The following RFX3 variants were observed in gnomAD, a reference collection of about 807,000 sequenced individuals.
RFX3 encodes transcription factor RFX3.
In RFX3, 14 loss-of-function variants were observed where a neutral mutation model predicts 98.6. The ratio of observed to expected loss-of-function variants is 0.14; its 90% CI spans 0.09 to 0.22. The LOEUF (loss-of-function observed/expected upper bound fraction) is 0.22. Among genes scored for constraint, RFX3 ranks in the 10% least tolerant of loss-of-function variants. RFX3 has a pLI of 1.00. For missense variants in RFX3, 639 were observed against 926.9 expected, an observed-to-expected ratio of 0.69 and a Z score of 4.03; for synonymous variants, 383 against 328.4, an observed-to-expected ratio of 1.17 and a Z score of -1.80.
At chr9:3,251,102 T>C (rs976995556) in intron 14 of RFX3, among the ~76,000 whole-genome samples, 8 of 152,130 alleles carry the variant, frequency 5.3e-5, no homozygotes, top group South Asian at 2.1e-4. Context: ...GTTTAAATAA[T>C]GTATGAGGCA....
At chr9:3,339,127 T>TG (rs1257636839) in intron 3 of RFX3, among the ~76,000 whole-genome samples, 1 of 151,472 alleles carries the variant, frequency 6.6e-6, no homozygotes, top group Non-Finnish European at 1.5e-5. Context: ...CTACTTGAGT[T>TG]TAAAAAAAAA....
intron 16 of RFX3, among the ~76,000 whole-genome samples, chr9:3,227,701 G>T (rs1360003665): frequency 1.3e-5 from 2 of 152,138 alleles, no homozygotes; most frequent in African/African-American, 4.8e-5. Context: ...CTTTATGTGG[G>T]ACACGGATAT....
chr9:3,467,331 C>T (rs1327293479), intron 1 of RFX3, among the ~76,000 whole-genome samples: 5 of 144,890 alleles, frequency 3.5e-5, no homozygotes, highest in African/African-American at 1.3e-4. Context: ...TGTGTATGTA[C>T]GTGTGTGTGT....
chr9:3,338,803 T>C (rs546510101), intron 3 of RFX3, among the ~76,000 whole-genome samples: 114 of 152,306 alleles, frequency 7.5e-4, no homozygotes, highest in African/African-American at 2.6e-3. Context: ...TTAAAATTTA[T>C]TCTAGGCCAG....
At chr9:3,472,183 C>A (rs116771186) in intron 1 of RFX3, among the ~76,000 whole-genome samples, 6,472 of 152,172 alleles carry the variant, frequency 0.043, 467 homozygotes, top group African/African-American at 0.15. Context: ...CTGGAATTGA[C>A]AGGAAGAGGG....
chr9:3,373,973 G>A (rs1318798567), intron 2 of RFX3, among the ~76,000 whole-genome samples: 1 of 152,070 alleles, frequency 6.6e-6, no homozygotes, highest in Non-Finnish European at 1.5e-5. Context: ...AGCTACTCGG[G>A]AGGCTGAAGC....
intron 7 of RFX3, among the ~76,000 whole-genome samples, 165 bp from the exon 8 acceptor site, chr9:3,277,626 T>A (rs1461437846): frequency 1.3e-5 from 2 of 151,966 alleles, no homozygotes; most frequent in Non-Finnish European, 2.9e-5. Context: ...AAGGCAATAT[T>A]TTTTTCAATT....
intron 13 of RFX3, among the ~76,000 whole-genome samples, chr9:3,258,809 A>T (rs962155736): frequency 1.1e-4 from 17 of 151,544 alleles, no homozygotes; most frequent in African/African-American, 3.9e-4. Context: ...ATCATCATAT[A>T]TATACACTAT....
At chr9:3,385,484 G>T (rs990522773) in intron 2 of RFX3, among the ~76,000 whole-genome samples, 2 of 151,970 alleles carry the variant, frequency 1.3e-5, no homozygotes, top group African/African-American at 4.8e-5. Context: ...GCTGAGACGG[G>T]TAGATCACCT....
At chr9:3,505,870 C>T (rs961982158) in intron 1 of RFX3, among the ~76,000 whole-genome samples, 1 of 151,556 alleles carries the variant, frequency 6.6e-6, no homozygotes, top group Non-Finnish European at 1.5e-5. Context: ...CTCTCCCTCA[C>T]CCCCAATTGT....
intron 16 of RFX3, among the ~76,000 whole-genome samples, chr9:3,228,400 A>AT (rs1818048817): frequency 6.6e-6 from 1 of 152,204 alleles, no homozygotes; most frequent in African/African-American, 2.4e-5. Context: ...CTAATCTTGC[A>AT]TTTACAGTAA....
At position 3,224,443 on chromosome 9, in the gene RFX3, T is replaced by A. The variant is rs832297; in HGVS notation, c.*599A>T. 130,469 of 152,370 alleles carry A rather than the reference T, an allele frequency of 0.86. 56,774 individuals are homozygous for A. Among genetic ancestry groups the A allele is most frequent in the East Asian group, 0.97 (5,041 of 5,184 alleles). 9.4% of individuals were successfully genotyped at this position (152,370 alleles called of 1,614,324 possible). On this transcript the variant is annotated 3_prime_UTR_variant, in exon 17 of 17. Coordinates refer to ENST00000617270, the MANE Select transcript of RFX3 (RefSeq NM_001282116.2). ...TCTGAACTGATAAATGTACAGCTCA[T>A]TTTTTCCTCAGAGAAAAATAGATGA... is the stretch of plus-strand genomic sequence containing the variant.
At chr9:3,430,990 T>C (rs562362379) in intron 1 of RFX3, among the ~76,000 whole-genome samples, 70 of 152,300 alleles carry the variant, frequency 4.6e-4, no homozygotes, top group African/African-American at 1.6e-3. Flanking sequence ...ACGGTACCAT[T>C]TGCAGTCAAG....
At chr9:3,510,766 T>A (rs1447034597) in intron 1 of RFX3, among the ~76,000 whole-genome samples, 1 of 152,002 alleles carries the variant, frequency 6.6e-6, no homozygotes, top group Non-Finnish European at 1.5e-5. Flanking sequence ...TTTTGCAGGG[T>A]TACATTTACG....
intron 1 of RFX3, among the ~76,000 whole-genome samples, chr9:3,446,121 T>C (rs1451060044): frequency 3.3e-5 from 5 of 152,010 alleles, no homozygotes; most frequent in South Asian, 2.1e-4. Context: ...TCAATAAATA[T>C]TGATTGACTG....
chr9:3,324,176 G>C (rs548456640), intron 4 of RFX3: 42 of 249,172 alleles, frequency 1.7e-4, no homozygotes, highest in Middle Eastern at 9.1e-4. Flanking sequence ...TAAGTGGACA[G>C]AGTCTTTTTT....
At chr9:3,298,308 T>C (rs1413940604) in intron 5 of RFX3, among the ~76,000 whole-genome samples, 8 of 151,858 alleles carry the variant, frequency 5.3e-5, no homozygotes, top group Non-Finnish European at 1.0e-4. Flanking sequence ...ACTCAGATGG[T>C]ATACCAGAAG....
At chr9:3,418,513 A>G (rs1843169748) in intron 1 of RFX3, among the ~76,000 whole-genome samples, 1 of 151,766 alleles carries the variant, frequency 6.6e-6, no homozygotes, top group Non-Finnish European at 1.5e-5. Flanking sequence ...CCAAGTAGCT[A>G]GGATTACAGG....
intron 15 of RFX3, among the ~76,000 whole-genome samples, chr9:3,239,285 T>C (rs1586693020): frequency 6.6e-6 from 1 of 152,246 alleles, no homozygotes; most frequent in East Asian, 1.9e-4. Context: ...TGGTAAAACC[T>C]TGTGTTCCTT....
Sources: gnomAD v4.1 joint callset for allele counts (sites outside exome capture counted in the v4.1 genomes callset) on GRCh38, gnomAD v4.1.1 for gene constraint, MANE v1.5 for transcripts, NCBI Gene and HGNC (gene_info 2026-07-23, HGNC 2026-07-21) for gene names.